Variants in LHFPL3 observed in about 807,000 individuals in gnomAD.
LHFPL3 encodes LHFPL tetraspan subfamily member 3 protein.
In LHFPL3, 5 loss-of-function variants were observed where a neutral mutation model predicts 19.3. The ratio of observed to expected loss-of-function variants is 0.26; its 90% confidence interval spans 0.14 to 0.54. The LOEUF (loss-of-function observed/expected upper bound fraction) is 0.54, where lower values mean the gene tolerates loss of function less well. Among genes scored for constraint, LHFPL3 ranks in the 20% least tolerant of loss-of-function variants. The pLI is 0.94. For synonymous variants in LHFPL3, 133 were observed against 126.2 expected (o/e 1.05, Z -0.36); for missense variants, 249 against 307.4 (o/e 0.81, Z 1.42).
At chr7:104,796,098 A>G (rs1790120558) in intron 2 of LHFPL3, among the ~76,000 whole-genome samples, 1 of 152,174 alleles carries the variant, frequency 6.6e-6, no homozygotes, top group Non-Finnish European at 1.5e-5. Context: ...GGATTTTTCA[A>G]TAGCAGCTTT....
intron 1 of LHFPL3, among the ~76,000 whole-genome samples, chr7:104,369,743 C>A (rs1174636810): frequency 6.6e-6 from 1 of 152,036 alleles, no homozygotes; most frequent in African/African-American, 2.4e-5. Flanking sequence ...CAGTGGTATC[C>A]CATTGTGGTG....
chr7:104,661,437 A>G (rs1183206721), intron 1 of LHFPL3, among the ~76,000 whole-genome samples: 2 of 152,210 alleles, frequency 1.3e-5, no homozygotes, highest in African/African-American at 4.8e-5. Context: ...CCTTACTCAC[A>G]TATGCTTGTT....
In LHFPL3 at chr7:104,609,268, A is replaced by G. The variant is rs184906917; in HGVS notation, c.446-127407A>G. ...TGACAGAGCAAGATGCTGTCAAAAAAAAAAGAAAAGAAAAAAAAAGTTAGC... is the reference window on the plus strand; with the variant it reads ...TGACAGAGCAAGATGCTGTCAAAAAGAAAAGAAAAGAAAAAAAAAGTTAGC... On this transcript the variant is annotated intron_variant, in intron 1 of 2. Transcript: ENST00000424859. Among the ~76,000 whole-genome samples, 825 of 152,252 alleles carry G rather than the reference A, an allele frequency of 5.4e-3. 6 individuals carry two copies. The highest frequency in any genetic ancestry group is 0.012 in the African/African-American group (481 of 41,556).
chr7:104,901,303 T>C (rs1238906928), intron 2 of LHFPL3, among the ~76,000 whole-genome samples: 2 of 152,186 alleles, frequency 1.3e-5, no homozygotes, highest in African/African-American at 4.8e-5. Context: ...TGATATTCTG[T>C]GGGGAGTGGT....
At chr7:104,676,543 T>C (rs1378619081) in intron 1 of LHFPL3, among the ~76,000 whole-genome samples, 2 of 152,226 alleles carry the variant, frequency 1.3e-5, no homozygotes, top group Non-Finnish European at 2.9e-5. Flanking sequence ...GCATGTATTC[T>C]TTTTTGGTAG....
intron 2 of LHFPL3, among the ~76,000 whole-genome samples, chr7:104,764,628 T>C (rs138211294): frequency 2.0e-5 from 3 of 152,348 alleles, no homozygotes; most frequent in East Asian, 1.9e-4. Context: ...TCTACACTTA[T>C]GGAAACTGCG....
At chr7:104,672,058 AGTGTGTGT>A (rs71155518) in intron 1 of LHFPL3, among the ~76,000 whole-genome samples, 16 of 148,782 alleles carry the variant, frequency 1.1e-4, no homozygotes, top group African/African-American at 3.0e-4. Context: ...TTAACTTCCA[AGTGTGTGT>A]GTGTGTGTGT....
intron 1 of LHFPL3, among the ~76,000 whole-genome samples, chr7:104,715,116 G>A (rs1289813057): frequency 1.3e-5 from 2 of 152,072 alleles, no homozygotes; most frequent in African/African-American, 2.4e-5. Flanking sequence ...AGCCTGAGCA[G>A]CATAGGGAGA....
chr7:104,690,026 A>C (rs4336543), intron 1 of LHFPL3, among the ~76,000 whole-genome samples: 75,812 of 152,126 alleles, frequency 0.5, 19,281 homozygotes, highest in East Asian at 0.59. Flanking sequence ...ATAGTAAATC[A>C]AAAACAATAT....
At chr7:104,639,241 T>C (rs1266329288) in intron 1 of LHFPL3, among the ~76,000 whole-genome samples, 4 of 152,190 alleles carry the variant, frequency 2.6e-5, no homozygotes, top group African/African-American at 7.2e-5. Flanking sequence ...TTATTACTCA[T>C]TCAATTTCAG....
At chr7:104,899,442 C>T (rs554223474) in intron 2 of LHFPL3, among the ~76,000 whole-genome samples, 17 of 151,788 alleles carry the variant, frequency 1.1e-4, no homozygotes, top group Admixed American at 1.3e-4. Flanking sequence ...GGAGAAAGAA[C>T]ACCTGTGGGA....
chr7:104,613,313 G>A (rs1164891669), intron 1 of LHFPL3, among the ~76,000 whole-genome samples: 1 of 152,076 alleles, frequency 6.6e-6, no homozygotes, highest in African/African-American at 2.4e-5. Flanking sequence ...TCAGTTTAGG[G>A]CATATCTGGT....
At chr7:104,646,237 G>T (rs1356123023) in intron 1 of LHFPL3, among the ~76,000 whole-genome samples, 1 of 152,186 alleles carries the variant, frequency 6.6e-6, no homozygotes, top group Non-Finnish European at 1.5e-5. Flanking sequence ...TTGTAAGTGG[G>T]CTAGTAAATC....
At position 104,565,608 on chromosome 7, in the gene LHFPL3, C is replaced by A. The variant is rs1048343846; in HGVS notation, c.446-171067C>A. Among the ~76,000 whole-genome samples the A allele has an allele frequency of 3.3e-5, 5 of 152,076 alleles. No homozygotes were observed. In the East Asian group the frequency reaches 9.7e-4, roughly 29 times the overall value. On this transcript the variant is annotated intron_variant, in intron 1 of 2. Coordinates refer to ENST00000424859, the MANE Select transcript of LHFPL3 (RefSeq NM_199000.3). ...AATTTAAAATACAGATTACTTATGG[C>A]CTGGTACTTTAATGAAAACCATTAA...
At chr7:104,442,436 T>C (rs1323348091) in intron 1 of LHFPL3, among the ~76,000 whole-genome samples, 1 of 152,212 alleles carries the variant, frequency 6.6e-6, no homozygotes, top group East Asian at 1.9e-4. Flanking sequence ...ATTATCTGTT[T>C]AATTGAGCTA....
chr7:104,384,684 G>A (rs1427810514), intron 1 of LHFPL3, among the ~76,000 whole-genome samples: 1 of 151,604 alleles, frequency 6.6e-6, no homozygotes, highest in Non-Finnish European at 1.5e-5. Context: ...CTACTTGGGA[G>A]GCTGAGGCAG....
chr7:104,772,464 G>A (rs777391312), intron 2 of LHFPL3, among the ~76,000 whole-genome samples: 3 of 152,054 alleles, frequency 2.0e-5, no homozygotes, highest in African/African-American at 2.4e-5. Context: ...AATGGGCTCC[G>A]ACTGCCTCCT....
At chr7:104,407,775 A>C (rs927445623) in intron 1 of LHFPL3, among the ~76,000 whole-genome samples, 3 of 152,258 alleles carry the variant, frequency 2.0e-5, no homozygotes, top group Non-Finnish European at 4.4e-5. Context: ...AGATCAGCCA[A>C]GTCCTTCATG....
At chr7:104,430,405 C>CGTATAT (rs1554393164) in intron 1 of LHFPL3, among the ~76,000 whole-genome samples, 1 of 22,456 alleles carries the variant, frequency 4.5e-5, no homozygotes, top group African/African-American at 1.9e-4. Flanking sequence ...TATATATATA[C>CGTATAT]ATATATATAT....
Sources: gnomAD v4.1 joint callset for allele counts (sites outside exome capture counted in the v4.1 genomes callset) on GRCh38, gnomAD v4.1.1 for gene constraint, MANE v1.5 for transcripts, NCBI Gene and HGNC (gene_info 2026-07-23, HGNC 2026-07-21) for gene names.